The following CDH6 variants were observed in gnomAD, a reference collection of about 807,000 sequenced individuals.
CDH6 encodes the protein cadherin-6.
Under a neutral mutation model 78.0 loss-of-function variants are expected in CDH6, and 31 were observed. The ratio of observed to expected loss-of-function variants is 0.40; its 90% CI spans 0.30 to 0.54. CDH6 has a LOEUF of 0.54. Among genes scored for constraint, CDH6 ranks in the 20% least tolerant of loss-of-function variants. CDH6 has a pLI of 0.56. For synonymous variants in CDH6, 376 were observed against 368.8 expected, an observed-to-expected ratio of 1.02 and a Z score of -0.23; for missense variants, 724 against 975.9, an observed-to-expected ratio of 0.74 and a Z score of 3.44.
At chr5:31,313,226 T>C (rs1311354823) in intron 7 of CDH6, 92 bp from the exon 8 acceptor site, 1 of 1,129,912 alleles carries the variant, frequency 8.9e-7, no homozygotes, top group Non-Finnish European at 1.3e-6. Context: ...TACTCTGGGA[T>C]ATGATGTGTA....
intron 1 of CDH6, among the ~76,000 whole-genome samples, chr5:31,222,793 A>T (rs1425395965): frequency 6.6e-6 from 1 of 152,160 alleles, no homozygotes; most frequent in East Asian, 1.9e-4. Flanking sequence ...CCTCTATTAC[A>T]CTTGGCAAAA....
chr5:31,315,852 T>TCATTTTCC (rs1474102768), intron 8 of CDH6, among the ~76,000 whole-genome samples: 5 of 152,338 alleles, frequency 3.3e-5, no homozygotes, highest in Admixed American at 3.3e-4. Context: ...GGTGGTTCAT[T>TCATTTTCC]CATTTTCCCT....
chr5:31,305,804 G>A (rs1193240400), intron 7 of CDH6, among the ~76,000 whole-genome samples: 1 of 152,148 alleles, frequency 6.6e-6, no homozygotes, highest in Non-Finnish European at 1.5e-5. Flanking sequence ...TATGTAAATA[G>A]TTATTATCTT....
At position 31,299,591 on chromosome 5, in the gene CDH6, A is replaced by G. The variant is rs1378028697; in HGVS notation, c.771A>G (p.Thr257=). ...GLSGTTTVNI[T]LTDVNDNPPR... Reference sequence around the variant, plus strand: ...CTGGGACCACCACCGTGAACATCACACTGACTGATGTCAACGACAACCCTC... The same window carrying G: ...CTGGGACCACCACCGTGAACATCACGCTGACTGATGTCAACGACAACCCTC... Residue 257 remains threonine (T), a synonymous_variant, in exon 5 of 12, where the codon ACA becomes ACG. Coordinates refer to ENST00000265071, the MANE Select transcript of CDH6 (RefSeq NM_004932.4). 1.1e-5 allele frequency: 17 copies of G among 1,613,808 alleles called. No individual in the cohort carries two copies. The East Asian group carries it at 1.3e-4, about 13-fold the overall frequency.
chr5:31,254,708 G>A (rs554314953), intron 1 of CDH6, among the ~76,000 whole-genome samples: 2 of 152,292 alleles, frequency 1.3e-5, no homozygotes, highest in East Asian at 1.9e-4. Flanking sequence ...TAATTAGTGC[G>A]ATGTGCGCAT....
chr5:31,260,171 T>C (rs1233666744), intron 1 of CDH6, among the ~76,000 whole-genome samples: 1 of 152,220 alleles, frequency 6.6e-6, no homozygotes, highest in Non-Finnish European at 1.5e-5. Flanking sequence ...TTCATGTTCA[T>C]AAGTAAGACC....
intron 1 of CDH6, among the ~76,000 whole-genome samples, chr5:31,260,021 A>G (rs972636208): frequency 2.0e-5 from 3 of 152,220 alleles, no homozygotes; most frequent in African/African-American, 7.2e-5. Context: ...GATTCCTTGA[A>G]GAGTAGCAAC....
At position 31,297,370 on chromosome 5, in the gene CDH6, T is replaced by C. The variant is rs751514325; in HGVS notation, c.605T>C (p.Leu202Pro). 66 of 1,610,346 alleles carry C rather than the reference T, an allele frequency of 4.1e-5. No homozygotes were observed. The highest frequency in any genetic ancestry group is 5.5e-5 in the Non-Finnish European group (65 of 1,177,046). The change falls in exon 4 of 12, where the codon CTA (leucine) becomes CCA (proline). Residue 202 changes from leucine to proline, a missense_variant. Physicochemically the swap from Leu to Pro is moderately conservative, Grantham distance 98. Around this residue, in one of 3 missense-constraint regions of CDH6, gnomAD observed 446 missense variants for 684.5 expected, o/e 0.65. Coordinates refer to ENST00000265071, the MANE Select transcript of CDH6 (RefSeq NM_004932.4). ...GNSAKVVYSILQGQPYFSVES... is the reference protein window; with the variant it reads ...GNSAKVVYSIPQGQPYFSVES... Reference sequence around the variant, plus strand: ...AGTGCTAAAGTTGTCTACAGTATTCTACAGGGACAGCCCTATTTTTCAGTT... The same window carrying C: ...AGTGCTAAAGTTGTCTACAGTATTCCACAGGGACAGCCCTATTTTTCAGTT...
chr5:31,309,259 A>T (rs1738081747), intron 7 of CDH6, among the ~76,000 whole-genome samples: 1 of 152,206 alleles, frequency 6.6e-6, no homozygotes, highest in Non-Finnish European at 1.5e-5. Flanking sequence ...ATAATTGAAT[A>T]TCTATTTCAT....
intron 1 of CDH6, among the ~76,000 whole-genome samples, chr5:31,264,736 T>G (rs1742294410): frequency 6.6e-6 from 1 of 152,194 alleles, no homozygotes; most frequent in Non-Finnish European, 1.5e-5. Flanking sequence ...ATGCACCCTG[T>G]CAAGTTGATA....
intron 2 of CDH6, among the ~76,000 whole-genome samples, chr5:31,280,698 CAGAT>C (rs1742838428): frequency 6.6e-6 from 1 of 152,144 alleles, no homozygotes; most frequent in Admixed American, 6.5e-5. Flanking sequence ...GCGGGGTCGT[CAGAT>C]AGTATGAATT....
chr5:31,221,555 A>G (rs1741004434), intron 1 of CDH6, among the ~76,000 whole-genome samples: 1 of 152,196 alleles, frequency 6.6e-6, no homozygotes, highest in South Asian at 2.1e-4. Flanking sequence ...TATTAAATAC[A>G]CCTGAGAAAA....
At chr5:31,321,922 G>GA (rs1181211314) in intron 11 of CDH6, among the ~76,000 whole-genome samples, 1 of 152,078 alleles carries the variant, frequency 6.6e-6, no homozygotes, top group East Asian at 1.9e-4. Context: ...TTCATAGATA[G>GA]ATGTGTCTCT....
chr5:31,316,603 G>C (rs750909535), intron 9 of CDH6, among the ~76,000 whole-genome samples: 16 of 152,026 alleles, frequency 1.1e-4, no homozygotes, highest in Non-Finnish European at 2.1e-4. Flanking sequence ...AATCTTTATT[G>C]GTGAACAGAT....
chr5:31,302,954 A>AAG lies in CDH6; in HGVS notation c.999+656_999+657insAG, dbSNP rs1737862794. Among the ~76,000 whole-genome samples the AAG allele has an allele frequency of 4.2e-4, 55 of 129,762 alleles. 1 individual carries two copies. Among genetic ancestry groups the AAG allele is most frequent in the African/African-American group, 1.5e-3 (54 of 35,634 alleles). 85.1% of individuals were successfully genotyped at this position (129,762 alleles called of 152,430 possible). A position where few individuals can be genotyped will look rare whatever the true frequency, so the allele number is the denominator to read the frequency against. ...AAGAAAGAAAGAAAGAAAGAAAGAA[A>AAG]GAAGGAAAGAAAAGAAAGAAAGAAA... On this transcript the variant is annotated intron_variant, in intron 6 of 11. Coordinates refer to ENST00000265071, the MANE Select transcript of CDH6 (RefSeq NM_004932.4).
intron 5 of CDH6, among the ~76,000 whole-genome samples, chr5:31,301,438 T>G (rs1319813364): frequency 6.6e-6 from 1 of 152,054 alleles, no homozygotes; most frequent in Non-Finnish European, 1.5e-5. Flanking sequence ...CAGGAGCATA[T>G]TTTTTTTAAA....
chr5:31,302,610 G>T (rs1034917871), intron 6 of CDH6, among the ~76,000 whole-genome samples: 1 of 150,650 alleles, frequency 6.6e-6, no homozygotes, highest in African/African-American at 2.5e-5. Context: ...CTACTCTGGA[G>T]ACTGAGGCAA....
chr5:31,224,119 T>C (rs994649963), intron 1 of CDH6, among the ~76,000 whole-genome samples: 1 of 152,208 alleles, frequency 6.6e-6, no homozygotes, highest in Non-Finnish European at 1.5e-5. Flanking sequence ...AGAGGTTTAA[T>C]AGACTTACAG....
intron 3 of CDH6, among the ~76,000 whole-genome samples, chr5:31,296,004 C>T (rs1034767775): frequency 1.3e-5 from 2 of 152,194 alleles, no homozygotes; most frequent in African/African-American, 4.8e-5. Context: ...TTCTCAGTCT[C>T]CCCACCTCCC....
Sources: gnomAD v4.1 joint callset for allele counts (sites outside exome capture counted in the v4.1 genomes callset) on GRCh38, gnomAD v4.1.1 for gene constraint, gnomAD v4.1.1 regional missense constraint, MANE v1.5 for transcripts, NCBI Gene and HGNC (gene_info 2026-07-23, HGNC 2026-07-21) for gene names.